ARID2: variants seen among roughly 807,000 people sequenced by gnomAD.
The protein encoded by ARID2 is AT-rich interaction domain 2, also known as AT-rich interactive domain-containing protein 2.
Under a neutral mutation model 184.6 loss-of-function variants are expected in ARID2, and 32 were observed. That is an observed-to-expected ratio of 0.17 (90% CI 0.13 to 0.23). ARID2 has a LOEUF of 0.23. ARID2 is among the 10% of genes least tolerant of loss of function. The pLI, the probability that ARID2 is intolerant of heterozygous loss-of-function variation, is 1.00. For missense variants in ARID2, 1,696 were observed against 2,197.6 expected, an observed-to-expected ratio of 0.77 and a Z score of 4.56; for synonymous variants, 836 against 772.6, an observed-to-expected ratio of 1.08 and a Z score of -1.36.
rs771942866 is a variant in ARID2, at chr12:45,850,837, A to G, written c.2714A>G (p.Gln905Arg). The G allele has an allele frequency of 6.2e-7, 1 of 1,614,156 alleles. No individual in the cohort carries two copies. Among genetic ancestry groups the G allele is most frequent in the South Asian group, 1.1e-5 (1 of 91,074 alleles). The stretch of plus-strand genomic sequence containing the variant: ...GCACCAAAACCTCTCCCTTCTCAGC[A>G]AGTTTCATCTACAGTGGTACAGCAG... ...NIAPKPLPSQ[Q>R]VSSTVVQQPI... Residue 905 changes from glutamine (Q) to arginine (R), a missense_variant, in exon 15 of 21, where the codon CAA (glutamine) becomes CGA (arginine). By Grantham distance (43) the Gln-to-Arg change is conservative. Around this residue, in one of 11 missense-constraint regions of ARID2, gnomAD observed 713 missense variants for 824.4 expected, o/e 0.86. Transcript: ENST00000334344.
intron 3 of ARID2, chr12:45,789,053 T>C (rs777336524): frequency 1.3e-5 from 2 of 152,030 alleles, no homozygotes; most frequent in African/African-American, 2.4e-5. Flanking sequence ...GACAAACATT[T>C]AATAAGGGCC....
At chr12:45,801,587 A>G (rs547492597) in intron 3 of ARID2, among the ~76,000 whole-genome samples, 180 of 152,340 alleles carry the variant, frequency 1.2e-3, no homozygotes, top group African/African-American at 4.2e-3. Context: ...TATATACACT[A>G]GGGTAACAAT....
intron 3 of ARID2, among the ~76,000 whole-genome samples, chr12:45,786,945 T>G (rs1230877994): frequency 6.6e-6 from 1 of 152,152 alleles, no homozygotes; most frequent in Non-Finnish European, 1.5e-5. Context: ...GTCACACTCA[T>G]AAAACAAAAT....
intron 8 of ARID2, 125 bp downstream of exon 8, chr12:45,837,116 C>A: frequency 7.7e-7 from 1 of 1,297,428 alleles, no homozygotes; most frequent in Non-Finnish European, 1.0e-6. Flanking sequence ...GTATTAGTTG[C>A]TAAAAATGGT....
At chr12:45,731,974 T>G (rs533025689) in intron 3 of ARID2, among the ~76,000 whole-genome samples, 2 of 152,092 alleles carry the variant, frequency 1.3e-5, no homozygotes, top group South Asian at 4.1e-4. Flanking sequence ...TTTTCTTTCA[T>G]TCTCCCTCTT....
At chr12:45,803,317 A>C (rs1347080419) in intron 3 of ARID2, among the ~76,000 whole-genome samples, 1 of 151,994 alleles carries the variant, frequency 6.6e-6, no homozygotes, top group African/African-American at 2.4e-5. Context: ...TTTTCTTATC[A>C]TTTTCCAACA....
intron 3 of ARID2, among the ~76,000 whole-genome samples, chr12:45,787,813 A>G (rs1406408538): frequency 6.6e-6 from 1 of 152,162 alleles, no homozygotes; most frequent in African/African-American, 2.4e-5. Flanking sequence ...CTGTGTGTCA[A>G]AGTCACTTTG....
At chr12:45,792,574 C>T (rs2138055805) in intron 3 of ARID2, among the ~76,000 whole-genome samples, 1 of 152,158 alleles carries the variant, frequency 6.6e-6, no homozygotes, top group East Asian at 1.9e-4. Context: ...TGTATCCTTA[C>T]TGTGTTTTCT....
At chr12:45,883,459 A>G (rs367694883) in intron 16 of ARID2, among the ~76,000 whole-genome samples, 3 of 150,382 alleles carry the variant, frequency 2.0e-5, no homozygotes, top group Non-Finnish European at 4.4e-5. Context: ...CAGCAAAAAC[A>G]AAAACAAAGA....
At chr12:45,767,991 C>T (rs1941803799) in intron 3 of ARID2, among the ~76,000 whole-genome samples, 1 of 152,146 alleles carries the variant, frequency 6.6e-6, no homozygotes, top group South Asian at 2.1e-4. Flanking sequence ...GTCCTAAGAA[C>T]ATATAGCAAA....
chr12:45,820,893 G>A (rs1942883605), intron 5 of ARID2, among the ~76,000 whole-genome samples: 2 of 152,264 alleles, frequency 1.3e-5, no homozygotes, highest in African/African-American at 4.8e-5. Context: ...TAAAGTTGTT[G>A]ATAAAGCAAC....
At position 45,774,699 on chromosome 12, in the gene ARID2, G is replaced by T. The variant is rs188446953; in HGVS notation, c.285-36719G>T. Among the ~76,000 whole-genome samples the T allele has an allele frequency of 9.2e-5, 14 of 152,254 alleles. No homozygotes were observed. The East Asian group carries it at 2.7e-3, about 29-fold the overall frequency. On this transcript the variant is annotated intron_variant, in intron 3 of 20. Transcript: ENST00000334344. Reference sequence around the variant, plus strand: ...GTTTTTGTTAACTATTACAGGAAGTGAGTTCAGACTCCTGTTACTGCCAAC... The same window carrying T: ...GTTTTTGTTAACTATTACAGGAAGTTAGTTCAGACTCCTGTTACTGCCAAC...
At chr12:45,849,383 TAATA>T (rs375100586) in intron 13 of ARID2, among the ~76,000 whole-genome samples, 193 bp from the exon 14 acceptor site, 106 of 152,340 alleles carry the variant, frequency 7.0e-4, no homozygotes, top group Non-Finnish European at 1.3e-3. Context: ...GCGACATTGT[TAATA>T]AATAATGATG....
chr12:45,793,650 TAC>T (rs774706811), intron 3 of ARID2, among the ~76,000 whole-genome samples: 2 of 151,636 alleles, frequency 1.3e-5, no homozygotes, highest in African/African-American at 2.4e-5. Flanking sequence ...ACAATATATA[TAC>T]ATATATATCT....
intron 11 of ARID2, among the ~76,000 whole-genome samples, chr12:45,843,357 G>A (rs77521941): frequency 4.4e-4 from 66 of 150,358 alleles, no homozygotes; most frequent in East Asian, 1.7e-3. Context: ...GATCAGGTGG[G>A]ACCTGAGATG....
intron 3 of ARID2, among the ~76,000 whole-genome samples, chr12:45,796,946 C>G (rs987364701): frequency 6.6e-6 from 1 of 152,162 alleles, no homozygotes; most frequent in Non-Finnish European, 1.5e-5. Flanking sequence ...TTTCTACTCT[C>G]TGTATGAGTT....
Position 45,905,894 on chromosome 12 carries a change from TAAAGTCAAA to T in ARID2, c.*818_*826del, listed in dbSNP as rs937366686. On this transcript the variant is annotated 3_prime_UTR_variant, in exon 21 of 21. Transcript: ENST00000334344. Reference sequence around the variant, plus strand: ...TACTTCTGCAAAGGTACTGATGCTGTAAAGTCAAAACAGTTTTGTGGAACTGTGATTTTT... The same window carrying T: ...TACTTCTGCAAAGGTACTGATGCTGTACAGTTTTGTGGAACTGTGATTTTT... The T allele has an allele frequency of 8.6e-6, 2 of 232,792 alleles. No individual in the cohort carries two copies. The highest frequency in any genetic ancestry group is 4.4e-5 in the African/African-American group (2 of 45,272). The allele number at this position is 232,792 out of a possible 1,614,324, so 14.4% of individuals were successfully genotyped here.
chr12:45,810,866 A>G (rs1409662482), intron 3 of ARID2, among the ~76,000 whole-genome samples: 1 of 152,128 alleles, frequency 6.6e-6, no homozygotes, highest in Admixed American at 6.5e-5. Context: ...TTATATTGTT[A>G]TTTGAATAGT....
intron 3 of ARID2, among the ~76,000 whole-genome samples, chr12:45,753,629 G>T (rs1175708945): frequency 6.6e-6 from 1 of 151,966 alleles, no homozygotes; most frequent in Non-Finnish European, 1.5e-5. Flanking sequence ...TTGAGACAAG[G>T]TCTCGCTCTG....
Sources: gnomAD v4.1 joint callset for allele counts (sites outside exome capture counted in the v4.1 genomes callset) on GRCh38, gnomAD v4.1.1 for gene constraint, gnomAD v4.1.1 regional missense constraint, MANE v1.5 for transcripts, NCBI Gene and HGNC (gene_info 2026-07-23, HGNC 2026-07-21) for gene names.